The following HYDIN variants were observed in gnomAD, a reference collection of about 807,000 sequenced individuals.
HYDIN encodes axonemal central pair apparatus protein HYDIN.
Under a neutral mutation model 403.9 loss-of-function variants are expected in HYDIN, and 132 were observed. That is an observed-to-expected ratio of 0.33 (90% CI 0.28 to 0.38). HYDIN has a LOEUF of 0.38. HYDIN is among the 10% of genes least tolerant of loss of function. HYDIN has a pLI of 1.00. For synonymous variants in HYDIN, 1,202 were observed against 1,891.7 expected (o/e 0.64, Z 9.46); for missense variants, 2,827 against 5,009.5 (o/e 0.56, Z 13.15).
intron 58 of HYDIN, 65 bp from the exon 59 acceptor site, chr16:70,884,189 G>T: frequency 7.0e-7 from 1 of 1,421,984 alleles, no homozygotes; most frequent in Non-Finnish European, 9.5e-7. Context: ...CAGACTATGG[G>T]GGCTGTTAGA....
chr16:71,033,405 T>C (rs2080981835), intron 18 of HYDIN, among the ~76,000 whole-genome samples: 1 of 152,186 alleles, frequency 6.6e-6, no homozygotes, highest in Non-Finnish European at 1.5e-5. Context: ...ATTGCCTATA[T>C]AAACAATTAT....
intron 49 of HYDIN, among the ~76,000 whole-genome samples, chr16:70,908,034 T>C (rs1213514338): frequency 2.0e-5 from 3 of 152,178 alleles, no homozygotes; most frequent in Non-Finnish European, 4.4e-5. Context: ...CCTTTGCACC[T>C]ATGATCATTC....
intron 1 of HYDIN, among the ~76,000 whole-genome samples, chr16:71,195,630 T>C (rs972318031): frequency 6.6e-6 from 1 of 152,198 alleles, no homozygotes; most frequent in African/African-American, 2.4e-5. Context: ...TCTATTTATT[T>C]GATCTTTTTA....
chr16:71,220,996 G>GT (rs749068647), intron 1 of HYDIN, among the ~76,000 whole-genome samples: 3 of 152,086 alleles, frequency 2.0e-5, no homozygotes, highest in Non-Finnish European at 4.4e-5. Flanking sequence ...ACCAAGAAAG[G>GT]TAAGTGGAGC....
chr16:71,189,410 T>G (rs2087310059), intron 1 of HYDIN, among the ~76,000 whole-genome samples: 1 of 152,172 alleles, frequency 6.6e-6, no homozygotes, highest in Admixed American at 6.5e-5. Flanking sequence ...AAATGAACCT[T>G]GCTGTACATC....
At chr16:70,960,424 G>A (rs1504894) in intron 38 of HYDIN, among the ~76,000 whole-genome samples, 26,685 of 78,738 alleles carry the variant, frequency 0.34, 6,913 homozygotes, top group African/African-American at 0.75. Flanking sequence ...AATATTTACT[G>A]TCTGGCCTTT....
At position 70,868,743 on chromosome 16, in the gene HYDIN, T is replaced by C. The variant is rs760802048; in HGVS notation, c.11137A>G (p.Met3713Val). The C allele has an allele frequency of 5.0e-6, 8 of 1,613,920 alleles. No individual in the cohort carries two copies. The East Asian group carries it at 8.9e-5, about 18-fold the overall frequency. The part of the protein sequence containing the change: ...PGCAKDIVVT[M>V]KSDVPINLKN... ...AGGTTGATGGGTACATCTGACTTCATGGTCACCACTATGTCCTTGGCACAC... is the reference window on the plus strand; with the variant it reads ...AGGTTGATGGGTACATCTGACTTCACGGTCACCACTATGTCCTTGGCACAC... The change falls in exon 66 of 86, where the codon ATG (methionine) becomes GTG (valine). Residue 3713 changes from methionine to valine, a missense_variant. Physicochemically the swap from Met to Val is conservative, Grantham distance 21. Transcript: ENST00000393567.
At chr16:71,176,400 T>C (rs2086673709) in intron 4 of HYDIN, among the ~76,000 whole-genome samples, 1 of 152,144 alleles carries the variant, frequency 6.6e-6, no homozygotes, top group Non-Finnish European at 1.5e-5. Flanking sequence ...TCCCAACATT[T>C]GAGCATTTGA....
Position 71,086,671 on chromosome 16 carries a change from A to T in HYDIN, c.1670+1630T>A, listed in dbSNP as rs561755128. Among the ~76,000 whole-genome samples the T allele has an allele frequency of 1.1e-3, 169 of 152,256 alleles. 2 individuals carry two copies. The Middle Eastern group carries it at 0.017, about 15-fold the overall frequency. ...TATGAAGGCTTGCTTATGATACTGGATGTTGTCAAGGGTGCTTATGACTCA... is the reference window on the plus strand; with the variant it reads ...TATGAAGGCTTGCTTATGATACTGGTTGTTGTCAAGGGTGCTTATGACTCA... On this transcript the variant is annotated intron_variant, in intron 12 of 85. Transcript: ENST00000393567.
rs1568236617 is a variant in HYDIN at position 71,152,659 on chromosome 16, C to T, written c.841G>A (p.Gly281Ser). ...ACTTTTAACAAAGAATACTGCATAC[C>T]TGTGTCATAACACACGATAAGTCTT... ...SGRLIVCYDT[G>S]EKVFVSLYGA... is the part of the protein sequence containing the mutation. Residue 281 changes from glycine to serine, a missense_variant and splice_region_variant, in exon 7 of 86, where the codon GGT becomes AGT. By Grantham distance (56) the Gly-to-Ser change is moderately conservative. Coordinates refer to ENST00000393567, the MANE Select transcript of HYDIN (RefSeq NM_001270974.2). The T allele has an allele frequency of 3.9e-6, 4 of 1,034,922 alleles. No homozygotes were observed. The highest frequency in any genetic ancestry group is 2.1e-4 in the Middle Eastern group (1 of 4,696). 64.1% of individuals were successfully genotyped at this position (1,034,922 alleles called of 1,614,324 possible). A position where few individuals can be genotyped will look rare whatever the true frequency, so the allele number is the denominator to read the frequency against.
intron 5 of HYDIN, among the ~76,000 whole-genome samples, chr16:71,167,059 T>G (rs2086260301): frequency 6.8e-6 from 1 of 146,284 alleles, no homozygotes; most frequent in Non-Finnish European, 1.5e-5. Context: ...AGTGAGACTC[T>G]GTCTCAAAAA....
chr16:70,809,730 G>C, intron 85 of HYDIN, 53 bp downstream of exon 85: 1 of 1,393,026 alleles, frequency 7.2e-7, no homozygotes, highest in Non-Finnish European at 1.0e-6. Flanking sequence ...CATTGTTTTT[G>C]AACCCAGCGT....
intron 1 of HYDIN, among the ~76,000 whole-genome samples, chr16:71,217,331 GA>G (rs1479645033): frequency 6.6e-6 from 1 of 152,092 alleles, no homozygotes; most frequent in African/African-American, 2.4e-5. Flanking sequence ...TACATTGATG[GA>G]CCTTTCTCCA....
chr16:71,073,202 C>A (rs1422295245), intron 13 of HYDIN, among the ~76,000 whole-genome samples: 2 of 152,166 alleles, frequency 1.3e-5, no homozygotes, highest in Admixed American at 6.5e-5. Context: ...CCTGACGTTA[C>A]TGATTCTCAC....
At chr16:70,953,756 C>T (rs1284275157) in intron 40 of HYDIN, among the ~76,000 whole-genome samples, 1 of 148,892 alleles carries the variant, frequency 6.7e-6, no homozygotes, top group African/African-American at 2.5e-5. Flanking sequence ...CCCTTAGGCA[C>T]AGGACATAAA....
In HYDIN at chr16:70,920,907, G is replaced by A. The variant is rs367546874; in HGVS notation, c.7469C>T (p.Ala2490Val). Residue 2490 changes from alanine (A) to valine (V), a missense_variant, in exon 46 of 86, where the codon GCG becomes GTG. Transcript: ENST00000393567. ...VQLPPAGMEE[A>V]PHEPDDQRQV... Reference sequence around the variant, plus strand: ...GCGCTGGTCGTCGGGCTCATGGGGCGCTTCCTCCATCCCTGCAGGAGGCAG... The same window carrying A: ...GCGCTGGTCGTCGGGCTCATGGGGCACTTCCTCCATCCCTGCAGGAGGCAG... 1.7e-5 allele frequency: 28 copies of A among 1,613,342 alleles called. No individual in the cohort carries two copies. Among genetic ancestry groups the A allele is most frequent in the South Asian group, 1.2e-4 (11 of 91,000 alleles).
chr16:70,974,500 G>A (rs1447701401), intron 32 of HYDIN, 34 bp downstream of exon 32: 2 of 1,579,236 alleles, frequency 1.3e-6, no homozygotes, highest in Non-Finnish European at 1.7e-6. Flanking sequence ...AAATGACCAA[G>A]TGCAATAGGA....
Position 71,193,191 on chromosome 16 carries a change from T to A in HYDIN, c.-23-6273A>T, listed in dbSNP as rs368158283. On this transcript the variant is annotated intron_variant, in intron 1 of 85. Coordinates refer to ENST00000393567, the MANE Select transcript of HYDIN (RefSeq NM_001270974.2). ...TGTGTAATTGGCACATACAAGGAGC[T>A]CAGTAAATAATTGTTGAAGGAATAT... 9.2e-5 allele frequency among the ~76,000 whole-genome samples: 14 copies of A among 152,356 alleles called. 1 individual carries two copies. The South Asian group carries it at 2.9e-3, about 32-fold the overall frequency.
rs199990018 is a variant in HYDIN, at chr16:70,908,681, C to T, written c.8185G>A (p.Gly2729Arg). The T allele has an allele frequency of 7.6e-4, 1,212 of 1,602,890 alleles. 9 individuals are homozygous for T. In the African/African-American group the frequency reaches 0.013, roughly 17 times the overall value. Residue 2729 changes from glycine (G) to arginine (R), a missense_variant, in exon 48 of 86, where the codon GGG becomes AGG. Gly to Arg is a moderately radical substitution (Grantham distance 125). Coordinates refer to ENST00000393567, the MANE Select transcript of HYDIN (RefSeq NM_001270974.2). ...LSDTDLDNFN[G>R]QHSQEKFTRL... Reference sequence around the variant, plus strand: ...GTGAATTTCTCCTGGGAGTGCTGCCCGTTGAAGTTGTCCAGGTCTGTATCT... The same window carrying T: ...GTGAATTTCTCCTGGGAGTGCTGCCTGTTGAAGTTGTCCAGGTCTGTATCT...
Sources: gnomAD v4.1 joint callset for allele counts (sites outside exome capture counted in the v4.1 genomes callset) on GRCh38, gnomAD v4.1.1 for gene constraint, MANE v1.5 for transcripts, NCBI Gene and HGNC (gene_info 2026-07-23, HGNC 2026-07-21) for gene names.